Variants in GRIA4 observed in about 807,000 individuals in gnomAD.
GRIA4 encodes the protein glutamate ionotropic receptor AMPA type subunit 4.
Under a neutral mutation model 104.0 loss-of-function variants are expected in GRIA4, and 34 were observed. The observed-to-expected ratio is 0.33, with a 90% CI of 0.25 to 0.44. The LOEUF is 0.44. Ranked by LOEUF, GRIA4 falls within the 20% of genes least tolerant of loss-of-function variation. GRIA4 has a pLI of 1.00. For synonymous variants in GRIA4, 386 were observed against 381.9 expected, an observed-to-expected ratio of 1.01 and a Z score of -0.13; for missense variants, 750 against 1,096.5, an observed-to-expected ratio of 0.68 and a Z score of 4.46.
At chr11:105,856,813 C>G (rs1945023949) in intron 4 of GRIA4, among the ~76,000 whole-genome samples, 2 of 152,046 alleles carry the variant, frequency 1.3e-5, no homozygotes, top group Admixed American at 1.3e-4. Flanking sequence ...CAGAAAATGC[C>G]TTAGGAAAAA....
intron 4 of GRIA4, among the ~76,000 whole-genome samples, chr11:105,801,962 C>T (rs1942737663): frequency 6.6e-6 from 1 of 151,970 alleles, no homozygotes; most frequent in Non-Finnish European, 1.5e-5. Context: ...GAAGAAAAGG[C>T]CAGCATCTGG....
chr11:105,874,452 A>G (rs1051360917), intron 5 of GRIA4, among the ~76,000 whole-genome samples: 1 of 152,178 alleles, frequency 6.6e-6, no homozygotes, highest in African/African-American at 2.4e-5. Context: ...TAACCCGGTG[A>G]AGAAAGTCAG....
At chr11:105,872,637 C>A (rs1412251315) in intron 5 of GRIA4, among the ~76,000 whole-genome samples, 1 of 152,116 alleles carries the variant, frequency 6.6e-6, no homozygotes, top group Non-Finnish European at 1.5e-5. Flanking sequence ...ATTCCCATCA[C>A]CACCAGCCCC....
chr11:105,841,198 C>T (rs1350900162), intron 4 of GRIA4, among the ~76,000 whole-genome samples: 2 of 151,902 alleles, frequency 1.3e-5, no homozygotes, highest in Non-Finnish European at 1.5e-5. Flanking sequence ...CATTCAAACA[C>T]CTGAACCGAA....
At chr11:105,643,874 G>A (rs1474017242) in intron 3 of GRIA4, among the ~76,000 whole-genome samples, 1 of 151,932 alleles carries the variant, frequency 6.6e-6, no homozygotes, top group Non-Finnish European at 1.5e-5. Flanking sequence ...ACAAGTCACC[G>A]TGTCTGGCTA....
At chr11:105,927,287 C>A (rs779605465) in intron 13 of GRIA4, among the ~76,000 whole-genome samples, 12 of 151,944 alleles carry the variant, frequency 7.9e-5, no homozygotes, top group Non-Finnish European at 1.6e-4. Flanking sequence ...GGGCTGAGAG[C>A]GTAAAAATGA....
chr11:105,767,940 A>C (rs1941027902), intron 4 of GRIA4, among the ~76,000 whole-genome samples: 1 of 152,188 alleles, frequency 6.6e-6, no homozygotes, highest in Non-Finnish European at 1.5e-5. Context: ...AGAGTCAGCC[A>C]AAGAAAATAG....
intron 13 of GRIA4, among the ~76,000 whole-genome samples, chr11:105,930,975 A>G (rs535302502): frequency 6.6e-6 from 1 of 152,280 alleles, no homozygotes; most frequent in South Asian, 2.1e-4. Context: ...GTTTACCAGT[A>G]CTTCTGTAAA....
intron 14 of GRIA4, among the ~76,000 whole-genome samples, chr11:105,945,050 T>C (rs547231552): frequency 3.3e-5 from 5 of 152,192 alleles, no homozygotes. Context: ...TGTAGCACTA[T>C]CATTTTACTC....
chr11:105,840,508 A>G (rs745346322), intron 4 of GRIA4, among the ~76,000 whole-genome samples: 2 of 152,192 alleles, frequency 1.3e-5, no homozygotes, highest in Admixed American at 6.5e-5. Flanking sequence ...ATTTTAACAG[A>G]AATGTCCAAA....
chr11:105,644,194 A>AT (rs538527065), intron 3 of GRIA4, among the ~76,000 whole-genome samples: 145 of 152,244 alleles, frequency 9.5e-4, no homozygotes, highest in Middle Eastern at 3.4e-3. Flanking sequence ...TTATTGAAAG[A>AT]TTTTTTCGGA....
chr11:105,903,977 A>G lies in GRIA4; in HGVS notation c.1049A>G (p.Lys350Arg). 4 of 1,592,204 alleles carry G rather than the reference A, an allele frequency of 2.5e-6. No individual in the cohort carries two copies. The highest frequency in any genetic ancestry group is 2.6e-6 in the Non-Finnish European group (3 of 1,168,604). ...GQGIDMERTL[K>R]QVRIQGLTGN... ...GGAATTGACATGGAGAGGACACTCA[A>G]ACAGGTAACTCACAATTTTATTTAA... The change falls in exon 8 of 17, where the codon AAA becomes AGA. Residue 350 changes from lysine (K) to arginine (R), a missense_variant. Around this residue, in one of 3 missense-constraint regions of GRIA4, gnomAD observed 410 missense variants for 502.7 expected, o/e 0.82. Coordinates refer to ENST00000282499, the MANE Select transcript of GRIA4 (RefSeq NM_000829.4).
At chr11:105,965,660 G>A (rs1341468164) in intron 14 of GRIA4, among the ~76,000 whole-genome samples, 6 of 114,954 alleles carry the variant, frequency 5.2e-5, no homozygotes, top group African/African-American at 1.7e-4. Flanking sequence ...GTAAATTCCC[G>A]TTTATTACTG....
At chr11:105,612,995 C>T (rs959271994) in intron 3 of GRIA4, 5 of 152,766 alleles carry the variant, frequency 3.3e-5, no homozygotes, top group African/African-American at 1.2e-4. Flanking sequence ...CTGCCCTGCC[C>T]TTATATTCTG....
intron 3 of GRIA4, among the ~76,000 whole-genome samples, chr11:105,644,980 G>A (rs968828388): frequency 6.6e-6 from 1 of 152,112 alleles, no homozygotes; most frequent in Non-Finnish European, 1.5e-5. Context: ...TAAGCAGTGC[G>A]TGACTGGTAG....
chr11:105,922,209 A>G (rs1947583828), intron 11 of GRIA4, among the ~76,000 whole-genome samples: 1 of 152,174 alleles, frequency 6.6e-6, no homozygotes, highest in Admixed American at 6.5e-5. Context: ...AAGAACAAGT[A>G]GCTATTCGTT....
chr11:105,923,327 C>A (rs578005513), intron 11 of GRIA4, among the ~76,000 whole-genome samples: 1 of 152,296 alleles, frequency 6.6e-6, no homozygotes, highest in Non-Finnish European at 1.5e-5. Flanking sequence ...TGACACTCTA[C>A]ACCTTATTTC....
intron 3 of GRIA4, among the ~76,000 whole-genome samples, chr11:105,655,546 T>A (rs939985498): frequency 1.3e-5 from 2 of 152,096 alleles, no homozygotes; most frequent in African/African-American, 4.8e-5. Flanking sequence ...TGTCCATGTG[T>A]TCTCATTGTT....
intron 4 of GRIA4, among the ~76,000 whole-genome samples, chr11:105,829,230 C>T: frequency 6.6e-6 from 1 of 151,916 alleles, no homozygotes; most frequent in East Asian, 1.9e-4. Context: ...GGCAGAGAGC[C>T]TTGAACTGAG....
Sources: gnomAD v4.1 joint callset for allele counts (sites outside exome capture counted in the v4.1 genomes callset) on GRCh38, gnomAD v4.1.1 for gene constraint, gnomAD v4.1.1 regional missense constraint, MANE v1.5 for transcripts, NCBI Gene and HGNC (gene_info 2026-07-23, HGNC 2026-07-21) for gene names.